SERAC1: variants seen among roughly 807,000 people sequenced by gnomAD.
SERAC1 encodes serine active site containing 1.
A neutral mutation model predicts 85.7 loss-of-function variants in SERAC1; 36 were observed. The ratio of observed to expected loss-of-function variants is 0.42; its 90% CI spans 0.32 to 0.55. SERAC1 has a LOEUF of 0.55. Among genes scored for constraint, SERAC1 ranks in the 20% least tolerant of loss-of-function variants. The probability of loss-of-function intolerance (pLI) is 0.11; values close to 1 mark genes in which losing one functional copy is unlikely to be tolerated. For synonymous variants in SERAC1, 242 were observed against 265.3 expected, an observed-to-expected ratio of 0.91 and a Z score of 0.85; for missense variants, 629 against 796.2, an observed-to-expected ratio of 0.79 and a Z score of 2.53.
chr6:158,114,630 G>GA (rs1364752441), intron 15 of SERAC1, 159 bp downstream of exon 15: 8 of 1,312,644 alleles, frequency 6.1e-6, no homozygotes, highest in Non-Finnish European at 6.8e-6. Context: ...AATTATCAAA[G>GA]AAAAATCAAG....
chr6:158,123,250 T>C (rs773669835), intron 10 of SERAC1, among the ~76,000 whole-genome samples: 43 of 152,254 alleles, frequency 2.8e-4, no homozygotes, highest in Non-Finnish European at 4.4e-4. Flanking sequence ...CTTCCTCCAA[T>C]GTATGTGATC....
intron 3 of SERAC1, 45 bp downstream of exon 3, chr6:158,155,270 T>C (rs1250032100): frequency 3.0e-6 from 4 of 1,341,642 alleles, no homozygotes; most frequent in Non-Finnish European, 4.3e-6. Flanking sequence ...AGATTTCCAA[T>C]AGAGTATAAT....
Position 158,168,177 on chromosome 6 carries a change from G to C in SERAC1, c.-39C>G, listed in dbSNP as rs1250742336. 1 of 151,990 alleles carries C rather than the reference G, an allele frequency of 6.6e-6. No individual in the cohort carries two copies. Among genetic ancestry groups the C allele is most frequent in the Non-Finnish European group, 1.5e-5 (1 of 68,030 alleles). 9.4% of individuals were successfully genotyped at this position (151,990 alleles called of 1,614,324 possible). A position where few individuals can be genotyped will look rare whatever the true frequency, so the allele number is the denominator to read the frequency against. On this transcript the variant is annotated 5_prime_UTR_variant, in exon 1 of 17. Transcript: ENST00000647468. ...GGACTCAGCCCGTGCCCAACTGCTC[G>C]TCGGACCCCGTTGTCTGGGGAGCCC...
intron 10 of SERAC1, among the ~76,000 whole-genome samples, chr6:158,122,270 G>C (rs1383696182): frequency 2.0e-5 from 3 of 152,172 alleles, no homozygotes; most frequent in Non-Finnish European, 2.9e-5. Context: ...ACTGCCTAAC[G>C]ATACATTCCT....
At chr6:158,151,717 G>C (rs973066524) in intron 3 of SERAC1, among the ~76,000 whole-genome samples, 1 of 152,194 alleles carries the variant, frequency 6.6e-6, no homozygotes, top group East Asian at 1.9e-4. Context: ...GAGCTGCCGC[G>C]CCCGGCCTCG....
chr6:158,117,517 C>A lies in SERAC1; in HGVS notation c.1403+210G>T, dbSNP rs1354424451. 6.5e-7 allele frequency: 1 copy of A among 1,550,384 alleles called. No homozygotes were observed. The highest frequency in any genetic ancestry group is 8.7e-7 in the Non-Finnish European group (1 of 1,146,772). On this transcript the variant is annotated intron_variant, in intron 13 of 16. Coordinates refer to ENST00000647468, the MANE Select transcript of SERAC1 (RefSeq NM_032861.4). This position sits in a 1 kb window ranked among gnomAD's most constrained non-coding sequence, Gnocchi z 4.3. Reference sequence around the variant, plus strand: ...GTAAATAAACCATGTTAGGAGCCCACCATTGGTGATATACCTAAGCCTTCT... The same window carrying A: ...GTAAATAAACCATGTTAGGAGCCCAACATTGGTGATATACCTAAGCCTTCT...
intron 1 of SERAC1, among the ~76,000 whole-genome samples, chr6:158,164,519 G>C (rs1203735479): frequency 1.3e-5 from 2 of 151,972 alleles, no homozygotes; most frequent in Non-Finnish European, 2.9e-5. Flanking sequence ...CATAAAATCT[G>C]AAACACTGAT....
At chr6:158,146,053 T>C (rs1785048042) in intron 6 of SERAC1, 1 of 152,324 alleles carries the variant, frequency 6.6e-6, no homozygotes, top group East Asian at 1.9e-4. Flanking sequence ...GCCAAGTAGA[T>C]TGTAAAAGTA....
intron 1 of SERAC1, among the ~76,000 whole-genome samples, chr6:158,160,085 A>G (rs1404047787): frequency 6.6e-6 from 1 of 151,874 alleles, no homozygotes; most frequent in Non-Finnish European, 1.5e-5. Context: ...CTGCTAATTT[A>G]TTTTTCACAG....
At chr6:158,135,595 GACA>G (rs1175871457) in intron 8 of SERAC1, among the ~76,000 whole-genome samples, 1 of 150,934 alleles carries the variant, frequency 6.6e-6, no homozygotes, top group Admixed American at 6.6e-5. Context: ...TCAAATATTA[GACA>G]ACAATATTAT....
chr6:158,155,171 G>T (rs1390125856), intron 3 of SERAC1, 144 bp downstream of exon 3: 1 of 591,848 alleles, frequency 1.7e-6, no homozygotes, highest in Non-Finnish European at 3.0e-6. Flanking sequence ...CAACATTTAA[G>T]TGGTGGGATC....
Position 158,161,241 on chromosome 6 carries a change from G to GGCCTGTTGGCATGT in SERAC1, c.-1-2891_-1-2878dup, listed in dbSNP as rs1218771193. ...CCAAAAAAATTTAAAAAATTAGCTG[G>GGCCTGTTGGCATGT]GCCTGTTGGCATGTGCCTGTATTCC... On this transcript the variant is annotated intron_variant, in intron 1 of 16. Transcript: ENST00000647468. The GGCCTGTTGGCATGT allele has an allele frequency of 2.0e-5, 3 of 152,134 alleles. No individual in the cohort carries two copies. In the South Asian group the frequency reaches 6.2e-4, roughly 32 times the overall value. The allele number at this position is 152,134 out of a possible 1,614,324, so 9.4% of individuals were successfully genotyped here.
At chr6:158,163,177 C>G (rs1343230991) in intron 1 of SERAC1, among the ~76,000 whole-genome samples, 1 of 152,158 alleles carries the variant, frequency 6.6e-6, no homozygotes, top group Non-Finnish European at 1.5e-5. Context: ...CCTAGGTGAC[C>G]CTACAAATCC....
At chr6:158,158,161 A>C (rs1256035784) in intron 2 of SERAC1, 112 bp downstream of exon 2, 1 of 718,142 alleles carries the variant, frequency 1.4e-6, no homozygotes, top group East Asian at 2.6e-5. Flanking sequence ...AGACATAAAC[A>C]AATTTGAGAT....
rs557213699 is a variant in SERAC1 at position 158,156,785 on chromosome 6, TTA to T, written c.92-1436_92-1435del. Among the ~76,000 whole-genome samples the T allele has an allele frequency of 4.2e-3, 573 of 136,432 alleles. 1 individual carries two copies. The highest frequency in any genetic ancestry group is 0.014 in the African/African-American group (503 of 35,938). 89.5% of individuals were successfully genotyped at this position (136,432 alleles called of 152,430 possible). On this transcript the variant is annotated intron_variant, in intron 2 of 16. Transcript: ENST00000647468. ...ATATATTTTATATATAATAAATATA[TTA>T]TATATGTTTAAATGTATAATATATT...
In SERAC1 at chr6:158,119,329, TAGA is replaced by T; in HGVS notation, c.1167-162_1167-160del. 6.6e-6 allele frequency among the ~76,000 whole-genome samples: 1 copy of T among 152,330 alleles called. No individual in the cohort carries two copies. The highest frequency in any genetic ancestry group is 2.4e-5 in the African/African-American group (1 of 41,584). On this transcript the variant is annotated intron_variant, in intron 11 of 16. Coordinates refer to ENST00000647468, the MANE Select transcript of SERAC1 (RefSeq NM_032861.4). This position sits in a 1 kb window ranked among gnomAD's most constrained non-coding sequence, Gnocchi z 4.5. ...TAAGCACAGGTTTGCTGGGAAAACC[TAGA>T]AGGAGCTTTGGCAAAGACATACATG...
chr6:158,164,076 T>C (rs1000620959), intron 1 of SERAC1, among the ~76,000 whole-genome samples: 1 of 152,058 alleles, frequency 6.6e-6, no homozygotes, highest in Non-Finnish European at 1.5e-5. Flanking sequence ...GCTAGTAGTA[T>C]AAATTTTCCA....
Position 158,117,232 on chromosome 6 carries a change from G to A in SERAC1, c.1403+495C>T. ...GCTTCCCGGAAAAGTTAACTGACTGGTCTAAGACTGCACAGCAAATCAAAG... is the reference window on the plus strand; with the variant it reads ...GCTTCCCGGAAAAGTTAACTGACTGATCTAAGACTGCACAGCAAATCAAAG... On this transcript the variant is annotated intron_variant, in intron 13 of 16. Transcript: ENST00000647468. The surrounding 1 kb of genome is among the most constrained non-coding windows in gnomAD (Gnocchi z 4.3). 1 of 423,744 alleles carries A rather than the reference G, an allele frequency of 2.4e-6. No homozygotes were observed. The highest frequency in any genetic ancestry group is 4.2e-6 in the Non-Finnish European group (1 of 235,440). 26.2% of individuals were successfully genotyped at this position (423,744 alleles called of 1,614,324 possible). A position where few individuals can be genotyped will look rare whatever the true frequency, so the allele number is the denominator to read the frequency against.
Position 158,122,982 on chromosome 6 carries a change from G to A in SERAC1, c.1016-2407C>T, listed in dbSNP as rs570464948. Among the ~76,000 whole-genome samples, 7 of 152,190 alleles carry A rather than the reference G, an allele frequency of 4.6e-5. No homozygotes were observed. The South Asian group carries it at 6.2e-4, about 14-fold the overall frequency. Reference sequence around the variant, plus strand: ...ATTCCTATTGGCAGACATTTAGGTTGCTCCAACTTTTGTAAATCTGAAGGC... The same window carrying A: ...ATTCCTATTGGCAGACATTTAGGTTACTCCAACTTTTGTAAATCTGAAGGC... On this transcript the variant is annotated intron_variant, in intron 10 of 16. Coordinates refer to ENST00000647468, the MANE Select transcript of SERAC1 (RefSeq NM_032861.4).
Sources: gnomAD v4.1 joint callset for allele counts (sites outside exome capture counted in the v4.1 genomes callset) on GRCh38, gnomAD v4.1.1 for gene constraint, Gnocchi (gnomAD v3.1) non-coding constraint, MANE v1.5 for transcripts, NCBI Gene and HGNC (gene_info 2026-07-23, HGNC 2026-07-21) for gene names.